COG5: variants seen among roughly 807,000 people sequenced by gnomAD.
COG5 encodes the protein conserved oligomeric Golgi complex subunit 5.
In COG5, 86 loss-of-function variants were observed where a neutral mutation model predicts 110.4. The ratio of observed to expected loss-of-function variants is 0.78; its 90% CI spans 0.65 to 0.93. COG5 has a LOEUF of 0.93. COG5 is among the 40% of genes least tolerant of loss of function. The probability of loss-of-function intolerance (pLI) is 0.00; values close to 1 mark genes in which losing one functional copy is unlikely to be tolerated. For synonymous variants in COG5, 360 were observed against 334.6 expected (o/e 1.08, Z -0.83); for missense variants, 1,077 against 987.0 (o/e 1.09, Z -1.22).
At chr7:107,555,832 T>C (rs916936016) in intron 2 of COG5, among the ~76,000 whole-genome samples, 1 of 151,924 alleles carries the variant, frequency 6.6e-6, no homozygotes, top group Non-Finnish European at 1.5e-5. Context: ...GCCAACATGG[T>C]GAAATCCTGT....
At chr7:107,365,418 T>C (rs1813509917) in intron 8 of COG5, among the ~76,000 whole-genome samples, 1 of 151,678 alleles carries the variant, frequency 6.6e-6, no homozygotes. Context: ...TGCCAGTTGC[T>C]GTAGATAAGT....
chr7:107,216,332 C>T (rs926037885), intron 19 of COG5, among the ~76,000 whole-genome samples: 5 of 152,186 alleles, frequency 3.3e-5, no homozygotes, highest in African/African-American at 9.7e-5. Context: ...CTTTCAACAA[C>T]GGCAGATCAT....
chr7:107,210,451 C>T (rs1261677218), intron 21 of COG5, 75 bp downstream of exon 21: 24 of 1,547,536 alleles, frequency 1.6e-5, no homozygotes, highest in Non-Finnish European at 2.1e-5. Context: ...GGCACTGCTC[C>T]TTCATCCTCT....
chr7:107,304,821 C>A (rs147427347), intron 11 of COG5, among the ~76,000 whole-genome samples: 1 of 152,300 alleles, frequency 6.6e-6, no homozygotes, highest in East Asian at 1.9e-4. Context: ...AAATACTGGG[C>A]AGTGCCAAAT....
Position 107,352,203 on chromosome 7 carries a change from T to A in COG5, c.1026+9830A>T, listed in dbSNP as rs1373068350. Among the ~76,000 whole-genome samples the A allele has an allele frequency of 1.1e-4, 16 of 145,234 alleles. 1 individual carries two copies. In the South Asian group the frequency reaches 3.5e-3, roughly 32 times the overall value. ...AAACCATCATTCTCAGCAAACTATC[T>A]CAAGGACAAAAAACCAAACACCGCA... is the stretch of plus-strand genomic sequence containing the variant. On this transcript the variant is annotated intron_variant, in intron 10 of 21. Coordinates refer to ENST00000297135, the MANE Select transcript of COG5 (RefSeq NM_006348.5).
chr7:107,213,118 G>A (rs946723224), intron 19 of COG5, among the ~76,000 whole-genome samples: 8 of 152,048 alleles, frequency 5.3e-5, no homozygotes, highest in Non-Finnish European at 1.2e-4. Context: ...TGCCAGCAGC[G>A]GCACCTGATC....
intron 2 of COG5, among the ~76,000 whole-genome samples, chr7:107,555,789 A>G (rs971806323): frequency 2.0e-5 from 3 of 152,066 alleles, no homozygotes; most frequent in Non-Finnish European, 4.4e-5. Context: ...AGGTGGGTGG[A>G]TCATTTGAGG....
At chr7:107,427,539 T>G (rs1199259520) in intron 6 of COG5, among the ~76,000 whole-genome samples, 3 of 152,010 alleles carry the variant, frequency 2.0e-5, no homozygotes, top group African/African-American at 4.8e-5. Context: ...GTGACTTTAC[T>G]TGGAAGCAGG....
chr7:107,417,468 C>T (rs1269682382), intron 6 of COG5, among the ~76,000 whole-genome samples: 1 of 152,048 alleles, frequency 6.6e-6, no homozygotes, highest in Non-Finnish European at 1.5e-5. Context: ...ATTTACTTAA[C>T]CTTCAGTTTA....
intron 8 of COG5, among the ~76,000 whole-genome samples, chr7:107,366,125 A>T (rs1343396205): frequency 6.6e-6 from 1 of 152,140 alleles, no homozygotes; most frequent in Non-Finnish European, 1.5e-5. Flanking sequence ...CACTGTCTCA[A>T]ATTACTGGAA....
intron 7 of COG5, among the ~76,000 whole-genome samples, chr7:107,380,837 C>T (rs563965634): frequency 4.6e-4 from 70 of 152,202 alleles, no homozygotes; most frequent in African/African-American, 1.6e-3. Flanking sequence ...GATACCAAAA[C>T]CTGGCAGAGA....
At chr7:107,209,351 A>C (rs781424272) in intron 21 of COG5, 17 of 347,250 alleles carry the variant, frequency 4.9e-5, no homozygotes, top group Non-Finnish European at 6.9e-5. Context: ...GACAGGGAGT[A>C]TAAGAGAATG....
At chr7:107,440,851 C>A (rs910473782) in intron 6 of COG5, among the ~76,000 whole-genome samples, 3 of 152,120 alleles carry the variant, frequency 2.0e-5, no homozygotes, top group African/African-American at 7.2e-5. Flanking sequence ...CTCTATATAT[C>A]TTTTCTATTT....
chr7:107,439,149 C>A (rs1794552865), intron 6 of COG5, among the ~76,000 whole-genome samples: 1 of 152,132 alleles, frequency 6.6e-6, no homozygotes, highest in South Asian at 2.1e-4. Context: ...AGGTTCTATG[C>A]CCTCCTGCCT....
chr7:107,206,665 T>C (rs1798811129), intron 21 of COG5, among the ~76,000 whole-genome samples: 1 of 152,196 alleles, frequency 6.6e-6, no homozygotes. Context: ...ATATATTTGA[T>C]GGACAAAAAT....
intron 6 of COG5, among the ~76,000 whole-genome samples, chr7:107,500,107 G>C (rs1798544789): frequency 1.3e-5 from 2 of 152,220 alleles, no homozygotes; most frequent in South Asian, 4.1e-4. Flanking sequence ...AAAGGAAGTG[G>C]GAAGTCAATC....
intron 14 of COG5, among the ~76,000 whole-genome samples, chr7:107,267,074 G>T (rs925246934): frequency 1.3e-5 from 2 of 152,112 alleles, no homozygotes; most frequent in Non-Finnish European, 2.9e-5. Flanking sequence ...TAACCAAAAA[G>T]TAAGAAACAA....
chr7:107,286,610 A>G (rs1257677812), intron 12 of COG5, among the ~76,000 whole-genome samples: 1 of 152,154 alleles, frequency 6.6e-6, no homozygotes, highest in East Asian at 1.9e-4. Flanking sequence ...ATAACCTAAA[A>G]TTCTACTTGT....
intron 7 of COG5, among the ~76,000 whole-genome samples, chr7:107,402,335 G>C (rs1167040343): frequency 6.6e-6 from 1 of 152,170 alleles, no homozygotes; most frequent in African/African-American, 2.4e-5. Flanking sequence ...TCTGAAAGAA[G>C]TGAACACAGA....
Sources: allele counts gnomAD v4.1 joint callset (sites outside exome capture counted in the v4.1 genomes callset), GRCh38; gene constraint gnomAD v4.1.1; transcripts MANE v1.5; gene names NCBI Gene and HGNC (gene_info 2026-07-23, HGNC 2026-07-21).